Variants in ZNF655 observed in about 807,000 individuals in gnomAD.
ZNF655 encodes Vav-interacting Kruppel-like protein 1.
In ZNF655, 3 loss-of-function variants were observed where a neutral mutation model predicts 6.6. That is an observed-to-expected ratio of 0.46 (90% CI 0.21 to 1.18). The LOEUF (loss-of-function observed/expected upper bound fraction) is 1.18. Among genes scored for constraint, ZNF655 ranks in the 50% most tolerant of loss-of-function variants. The pLI is 0.24. For missense variants in ZNF655, 526 were observed against 572.3 expected, an observed-to-expected ratio of 0.92 and a Z score of 0.83; for synonymous variants, 178 against 195.0, an observed-to-expected ratio of 0.91 and a Z score of 0.73.
chr7:99,571,983 C>T (rs1804111612), intron 2 of ZNF655, among the ~76,000 whole-genome samples: 1 of 152,136 alleles, frequency 6.6e-6, no homozygotes, highest in African/African-American at 2.4e-5. Context: ...GTACTAGACC[C>T]CAATCAAGTT....
chr7:99,574,262 G>T lies in ZNF655; in HGVS notation c.*678G>T, dbSNP rs2067707784. ...AGAAAATTGTTGATTATTTGTTTAT[G>T]AAATTGTTAATACATAGTCCCAATC... On this transcript the variant is annotated 3_prime_UTR_variant, in exon 3 of 3. Transcript: ENST00000252713. The T allele has an allele frequency of 6.6e-6, 1 of 152,216 alleles. No homozygotes were observed. Among genetic ancestry groups the T allele is most frequent in the Non-Finnish European group, 1.5e-5 (1 of 68,044 alleles). 9.4% of individuals were successfully genotyped at this position (152,216 alleles called of 1,614,324 possible).
At chr7:99,562,465 T>C (rs1331945913) in intron 2 of ZNF655, 1 of 1,613,954 alleles carries the variant, frequency 6.2e-7, no homozygotes, top group Non-Finnish European at 8.5e-7. Flanking sequence ...GAAGTGATGT[T>C]AGAGAATTAT....
chr7:99,561,770 GT>G (rs1803194006), intron 2 of ZNF655: 1 of 478,626 alleles, frequency 2.1e-6, no homozygotes, highest in Non-Finnish European at 3.5e-6. Context: ...ATGTTCATTG[GT>G]TTTACTAGAG....
intron 2 of ZNF655, among the ~76,000 whole-genome samples, chr7:99,566,879 C>G (rs1803675980): frequency 6.6e-6 from 1 of 152,014 alleles, no homozygotes; most frequent in African/African-American, 2.4e-5. Flanking sequence ...TTTTGAAGAC[C>G]AGATTAAAAT....
intron 2 of ZNF655, among the ~76,000 whole-genome samples, chr7:99,565,574 C>T (rs763731151): frequency 6.6e-6 from 1 of 152,034 alleles, no homozygotes; most frequent in Admixed American, 6.5e-5. Context: ...GTAAAGAAGT[C>T]GGTAATAAGT....
rs1447835682 is a variant in ZNF655, at chr7:99,573,798, T to G, written c.*214T>G. On this transcript the variant is annotated 3_prime_UTR_variant, in exon 3 of 3. Transcript: ENST00000252713. ...TAGTGTTAAACTCTTAATCGACTCC[T>G]GCAAATCTATACCAGTGAGAAATCT... 5.4e-6 allele frequency: 3 copies of G among 556,530 alleles called. No individual in the cohort carries two copies. In the African/African-American group the frequency reaches 5.6e-5, roughly 10 times the overall value. 34.5% of individuals were successfully genotyped at this position (556,530 alleles called of 1,614,324 possible). A position where few individuals can be genotyped will look rare whatever the true frequency, so the allele number is the denominator to read the frequency against.
intron 2 of ZNF655, among the ~76,000 whole-genome samples, chr7:99,569,515 T>G (rs918541955): frequency 2.0e-5 from 3 of 152,206 alleles, no homozygotes; most frequent in Admixed American, 1.3e-4. Context: ...GAAATAAGAC[T>G]GTGCAGGTTT....
chr7:99,562,475 T>A, intron 2 of ZNF655: 1 of 1,613,650 alleles, frequency 6.2e-7, no homozygotes, highest in African/African-American at 1.3e-5. Context: ...TAGAGAATTA[T>A]GGGAACGTGG....
At position 99,572,916 on chromosome 7, in the gene ZNF655, T is replaced by A. The variant is rs2151170953; in HGVS notation, c.808T>A (p.Cys270Ser). ...ACACACTAGAGAAAAACCTTACAAA[T>A]GTGAAGCATCTGATAAATCCTGTGA... ...RIHTREKPYK[C>S]EASDKSCEAS... Residue 270 changes from cysteine to serine, a missense_variant, in exon 3 of 3, where the codon TGT (cysteine) becomes AGT (serine). By Grantham distance (112) the Cys-to-Ser change is moderately radical. Coordinates refer to ENST00000252713, the MANE Select transcript of ZNF655 (RefSeq NM_138494.3). 4 of 1,614,146 alleles carry A rather than the reference T, an allele frequency of 2.5e-6. No homozygotes were observed. The highest frequency in any genetic ancestry group is 3.4e-6 in the Non-Finnish European group (4 of 1,180,004).
Position 99,573,597 on chromosome 7 carries a change from T to C in ZNF655, c.*13T>C. The stretch of plus-strand genomic sequence containing the variant: ...AGAGAACTCATGAATGTAATGAAGA[T>C]GGGAAGATATTTATCAAATTCAGGC... On this transcript the variant is annotated 3_prime_UTR_variant, in exon 3 of 3. Coordinates refer to ENST00000252713, the MANE Select transcript of ZNF655 (RefSeq NM_138494.3). The C allele has an allele frequency of 6.3e-7, 1 of 1,586,838 alleles. No homozygotes were observed. The highest frequency in any genetic ancestry group is 1.1e-5 in the South Asian group (1 of 89,064).
intron 1 of ZNF655, among the ~76,000 whole-genome samples, chr7:99,560,078 T>G (rs956879060): frequency 1.3e-5 from 2 of 150,134 alleles, no homozygotes; most frequent in Non-Finnish European, 2.9e-5. Context: ...TATTTCTTTT[T>G]CTTTTTTTTC....
At chr7:99,569,518 G>A (rs916785737) in intron 2 of ZNF655, among the ~76,000 whole-genome samples, 4 of 152,086 alleles carry the variant, frequency 2.6e-5, no homozygotes, top group Non-Finnish European at 5.9e-5. Flanking sequence ...ATAAGACTGT[G>A]CAGGTTTGAA....
intron 2 of ZNF655, 197 bp downstream of exon 2, chr7:99,560,892 T>G: frequency 2.0e-6 from 1 of 508,368 alleles, no homozygotes; most frequent in East Asian, 3.6e-5. Context: ...CTCATCTTTC[T>G]CAAATAAGCA....
chr7:99,564,296 A>G, intron 2 of ZNF655: 1 of 1,271,448 alleles, frequency 7.9e-7, no homozygotes, highest in Non-Finnish European at 9.9e-7. Context: ...TGGTCTTTTC[A>G]TATTATTTTA....
chr7:99,564,011 C>T (rs1803433902), intron 2 of ZNF655: 1 of 1,613,190 alleles, frequency 6.2e-7, no homozygotes, highest in Non-Finnish European at 8.5e-7. Context: ...ATCGGCTTCC[C>T]ATCGATATTG....
chr7:99,572,235 A>G lies in ZNF655; in HGVS notation c.137-10A>G, dbSNP rs1804143562. 5 of 1,566,706 alleles carry G rather than the reference A, an allele frequency of 3.2e-6. No individual in the cohort carries two copies. The highest frequency in any genetic ancestry group is 4.3e-6 in the Non-Finnish European group (5 of 1,161,912). On this transcript the variant is annotated splice_polypyrimidine_tract_variant and intron_variant, in intron 2 of 2. Coordinates refer to ENST00000252713, the MANE Select transcript of ZNF655 (RefSeq NM_138494.3). Reference sequence around the variant, plus strand: ...TTACATTTGCATTTTCTATTTATATATTGTATCAGATGGAGAGACCAGAGA... The same window carrying G: ...TTACATTTGCATTTTCTATTTATATGTTGTATCAGATGGAGAGACCAGAGA...
At chr7:99,562,425 C>G (rs202113082) in intron 2 of ZNF655, 25 of 1,614,102 alleles carry the variant, frequency 1.5e-5, no homozygotes, top group Non-Finnish European at 1.9e-5. Flanking sequence ...ATGGGGATAC[C>G]TGGACCCTGT....
chr7:99,562,459 T>A, intron 2 of ZNF655: 2 of 1,614,024 alleles, frequency 1.2e-6, no homozygotes, highest in Non-Finnish European at 1.7e-6. Flanking sequence ...TACAGAGAAG[T>A]GATGTTAGAG....
intron 2 of ZNF655, chr7:99,571,278 A>G (rs1196891994): frequency 7.8e-7 from 1 of 1,289,592 alleles, no homozygotes; most frequent in African/African-American, 1.5e-5. Context: ...ACCATGCAGC[A>G]GGTGCTTGAG....
Sources: gnomAD v4.1 joint callset for allele counts (sites outside exome capture counted in the v4.1 genomes callset) on GRCh38, gnomAD v4.1.1 for gene constraint, MANE v1.5 for transcripts, NCBI Gene and HGNC (gene_info 2026-07-23, HGNC 2026-07-21) for gene names.